The following SNX14 variants were observed in gnomAD, a reference collection of about 807,000 sequenced individuals.
SNX14 encodes sorting nexin 14.
In SNX14, 93 loss-of-function variants were observed where a neutral mutation model predicts 133.8. The observed-to-expected ratio is 0.70, with a 90% confidence interval of 0.59 to 0.83. The LOEUF (loss-of-function observed/expected upper bound fraction) is 0.83. SNX14 is among the 40% of genes least tolerant of loss of function. The probability of loss-of-function intolerance (pLI) is 0.00; values close to 1 mark genes in which losing one functional copy is unlikely to be tolerated. For missense variants in SNX14, 945 were observed against 1,094.9 expected (o/e 0.86, Z 1.93); for synonymous variants, 368 against 365.6 (o/e 1.01, Z -0.07).
chr6:85,507,965 T>C lies in SNX14; in HGVS notation c.2745+3A>G, dbSNP rs201841901. On this transcript the variant is annotated splice_donor_region_variant and intron_variant, in intron 27 of 28. Transcript: ENST00000314673. Reference sequence around the variant, plus strand: ...TGAGTTTACGAGCTTTAATGAGCTTTACCTGCTTGTTGAGTACTGGTTGCT... The same window carrying C: ...TGAGTTTACGAGCTTTAATGAGCTTCACCTGCTTGTTGAGTACTGGTTGCT... The C allele has an allele frequency of 6.2e-6, 10 of 1,612,488 alleles. No individual in the cohort carries two copies. In the Admixed American group the frequency reaches 8.3e-5, roughly 13 times the overall value.
chr6:85,518,966 T>C lies in SNX14; in HGVS notation c.2108-918A>G, dbSNP rs551225601. On this transcript the variant is annotated intron_variant, in intron 21 of 28. Transcript: ENST00000314673. ...TGCCTGTCTCCTGGACTCTCCTGCTTTATAAAACTTCAACTGGATTCTATA... is the reference window on the plus strand; with the variant it reads ...TGCCTGTCTCCTGGACTCTCCTGCTCTATAAAACTTCAACTGGATTCTATA... 3.3e-5 allele frequency among the ~76,000 whole-genome samples: 5 copies of C among 152,320 alleles called. No individual in the cohort carries two copies. The South Asian group carries it at 1.0e-3, about 32-fold the overall frequency.
At chr6:85,545,029 G>A (rs1208658731) in intron 12 of SNX14, among the ~76,000 whole-genome samples, 2 of 152,086 alleles carry the variant, frequency 1.3e-5, no homozygotes, top group Non-Finnish European at 2.9e-5. Context: ...TAAAATACAT[G>A]ACAACAGGAG....
intron 6 of SNX14, among the ~76,000 whole-genome samples, chr6:85,558,653 G>A (rs528057589): frequency 2.0e-5 from 3 of 152,052 alleles, no homozygotes; most frequent in South Asian, 2.1e-4. Flanking sequence ...TAGTAGAAAC[G>A]GGGTTTCGCC....
At chr6:85,543,489 T>C in intron 13 of SNX14, 116 bp downstream of exon 13, 2 of 1,062,642 alleles carry the variant, frequency 1.9e-6, no homozygotes, top group Non-Finnish European at 2.7e-6. Flanking sequence ...ATCTCATTAG[T>C]AAAATAGAAT....
chr6:85,576,520 CA>C (rs67044403), intron 1 of SNX14, among the ~76,000 whole-genome samples: 18,044 of 152,162 alleles, frequency 0.12, 1,642 homozygotes, highest in African/African-American at 0.26. Flanking sequence ...CACGAACTGA[CA>C]GAGTAAACTG....
intron 8 of SNX14, 64 bp downstream of exon 8, chr6:85,549,659 A>C: frequency 7.1e-7 from 1 of 1,408,610 alleles, no homozygotes; most frequent in Non-Finnish European, 9.3e-7. Flanking sequence ...TATCATAACC[A>C]AAAATAGCAA....
intron 1 of SNX14, among the ~76,000 whole-genome samples, chr6:85,592,041 T>A (rs1381540323): frequency 6.6e-6 from 1 of 152,154 alleles, no homozygotes; most frequent in Non-Finnish European, 1.5e-5. Context: ...AAAAATCATA[T>A]GAAGCTTACA....
At chr6:85,536,727 A>C in intron 17 of SNX14, 65 bp downstream of exon 17, 1 of 1,490,978 alleles carries the variant, frequency 6.7e-7, no homozygotes, top group Non-Finnish European at 9.1e-7. Context: ...TAATGAGTAT[A>C]TCTAATTTTT....
intron 21 of SNX14, among the ~76,000 whole-genome samples, chr6:85,524,723 G>T (rs889665673): frequency 2.2e-4 from 34 of 151,252 alleles, no homozygotes; most frequent in African/African-American, 8.0e-4. Flanking sequence ...GGTGGAGGCT[G>T]CAGTGAGCCA....
chr6:85,523,085 T>C (rs1439318414), intron 21 of SNX14, among the ~76,000 whole-genome samples: 1 of 152,158 alleles, frequency 6.6e-6, no homozygotes, highest in African/African-American at 2.4e-5. Context: ...ACAAAGGCAT[T>C]GGAGCAAAAG....
At chr6:85,587,740 G>A (rs1036741445) in intron 1 of SNX14, among the ~76,000 whole-genome samples, 4 of 152,028 alleles carry the variant, frequency 2.6e-5, no homozygotes, top group Non-Finnish European at 4.4e-5. Context: ...AGAATTACAG[G>A]CGTGAGCCAC....
At chr6:85,530,914 T>C (rs935168316) in intron 18 of SNX14, among the ~76,000 whole-genome samples, 1 of 152,150 alleles carries the variant, frequency 6.6e-6, no homozygotes, top group Non-Finnish European at 1.5e-5. Context: ...TCATAAGTTT[T>C]TTTTATTGAT....
At chr6:85,553,594 C>A (rs1788578388) in intron 7 of SNX14, among the ~76,000 whole-genome samples, 1 of 152,074 alleles carries the variant, frequency 6.6e-6, no homozygotes, top group African/African-American at 2.4e-5. Flanking sequence ...ACCATCCTGG[C>A]TAACACGGTG....
chr6:85,508,780 A>G (rs1376133943), intron 26 of SNX14, among the ~76,000 whole-genome samples: 3 of 152,042 alleles, frequency 2.0e-5, no homozygotes, highest in Non-Finnish European at 4.4e-5. Context: ...TTACCAAGAA[A>G]AGTCAATCCT....
intron 17 of SNX14, among the ~76,000 whole-genome samples, chr6:85,535,544 G>A (rs1426725589): frequency 6.9e-6 from 1 of 144,582 alleles, no homozygotes; most frequent in East Asian, 2.1e-4. Flanking sequence ...GGCGGAGGTT[G>A]CAGTGAGCTG....
In SNX14 at chr6:85,580,176, C is replaced by T. The variant is rs1798604237; in HGVS notation, c.141-5798G>A. 3.9e-5 allele frequency among the ~76,000 whole-genome samples: 6 copies of T among 152,122 alleles called. No individual in the cohort carries two copies. In the South Asian group the frequency reaches 1.2e-3, roughly 32 times the overall value. ...AGGGACAGGAAGACAGGGAACTGGG[C>T]AGAGTAATGAGGCCCTCATTCCAGG... is the stretch of plus-strand genomic sequence containing the variant. On this transcript the variant is annotated intron_variant, in intron 1 of 28. Coordinates refer to ENST00000314673, the MANE Select transcript of SNX14 (RefSeq NM_153816.6).
At chr6:85,513,449 A>T (rs1411776863) in intron 26 of SNX14, among the ~76,000 whole-genome samples, 1 of 152,210 alleles carries the variant, frequency 6.6e-6, no homozygotes, top group East Asian at 1.9e-4. Context: ...TTTGGAATGA[A>T]TGAATTCTGA....
intron 12 of SNX14, among the ~76,000 whole-genome samples, chr6:85,546,191 A>C (rs142527981): frequency 6.6e-6 from 1 of 151,818 alleles, no homozygotes. Flanking sequence ...GAAGGATCCT[A>C]AGGGAATTTT....
Position 85,549,839 on chromosome 6 carries a change from T to C in SNX14, c.675A>G (p.Glu225=). The change falls in exon 8 of 29, where the codon GAA becomes GAG. Residue 225 remains glutamate (E), a synonymous_variant. Coordinates refer to ENST00000314673, the MANE Select transcript of SNX14 (RefSeq NM_153816.6). ...TEFLQQAALE[E]YGPELHVALR... ...AAGCAACATGAAGCTCTGGACCATATTCTTCTAAAGCAGCTTGCTGTAAAA... is the reference window on the plus strand; with the variant it reads ...AAGCAACATGAAGCTCTGGACCATACTCTTCTAAAGCAGCTTGCTGTAAAA... 5 of 1,613,570 alleles carry C rather than the reference T, an allele frequency of 3.1e-6. No homozygotes were observed. The highest frequency in any genetic ancestry group is 4.2e-6 in the Non-Finnish European group (5 of 1,179,706).
Sources: allele counts gnomAD v4.1 joint callset (sites outside exome capture counted in the v4.1 genomes callset), GRCh38; gene constraint gnomAD v4.1.1; transcripts MANE v1.5; gene names NCBI Gene and HGNC (gene_info 2026-07-23, HGNC 2026-07-21).